Variants in HCN1 observed in about 807,000 individuals in gnomAD.
HCN1 encodes the protein hyperpolarization activated cyclic nucleotide gated potassium channel 1.
HCN1 carries 13 observed loss-of-function variants against 78.9 expected under a neutral mutation model. The ratio of observed to expected loss-of-function variants is 0.16; its 90% CI spans 0.11 to 0.26. The LOEUF (loss-of-function observed/expected upper bound fraction) is 0.26. HCN1 is among the 10% of genes least tolerant of loss of function. HCN1 has a pLI of 1.00. For synonymous variants in HCN1, 552 were observed against 455.5 expected, an observed-to-expected ratio of 1.21 and a Z score of -2.70; for missense variants, 810 against 1,154.3, an observed-to-expected ratio of 0.70 and a Z score of 4.32.
chr5:45,385,507 C>T (rs868037886), intron 4 of HCN1, among the ~76,000 whole-genome samples: 2 of 151,980 alleles, frequency 1.3e-5, no homozygotes, highest in African/African-American at 4.8e-5. Flanking sequence ...GAAATAAAGG[C>T]AATTAAGGCT....
chr5:45,450,122 C>T (rs1245388993), intron 3 of HCN1, among the ~76,000 whole-genome samples: 6 of 152,182 alleles, frequency 3.9e-5, no homozygotes, highest in Admixed American at 1.3e-4. Flanking sequence ...TGAGCCACCG[C>T]GCCCAGCCGA....
intron 2 of HCN1, among the ~76,000 whole-genome samples, chr5:45,511,617 A>G (rs1052513778): frequency 1.3e-5 from 2 of 152,082 alleles, no homozygotes; most frequent in Admixed American, 1.3e-4. Context: ...ACCTAATTTA[A>G]TGACATTTTA....
At chr5:45,429,745 C>T (rs1306556518) in intron 3 of HCN1, among the ~76,000 whole-genome samples, 2 of 152,074 alleles carry the variant, frequency 1.3e-5, no homozygotes, top group Non-Finnish European at 2.9e-5. Context: ...GCAGATAGGT[C>T]ATCGAAGGAG....
At chr5:45,638,512 G>A (rs576315084) in intron 2 of HCN1, among the ~76,000 whole-genome samples, 1 of 152,300 alleles carries the variant, frequency 6.6e-6, no homozygotes, top group Non-Finnish European at 1.5e-5. Flanking sequence ...AGATGATACA[G>A]ATCTGCCACG....
intron 2 of HCN1, among the ~76,000 whole-genome samples, chr5:45,634,323 C>T (rs1402387932): frequency 2.0e-5 from 3 of 151,948 alleles, no homozygotes; most frequent in Non-Finnish European, 2.9e-5. Context: ...AAGTATATTT[C>T]ATATCTTCTA....
At chr5:45,520,146 T>G (rs1742588072) in intron 2 of HCN1, among the ~76,000 whole-genome samples, 1 of 152,026 alleles carries the variant, frequency 6.6e-6, no homozygotes, top group Admixed American at 6.6e-5. Flanking sequence ...TCACAGTACC[T>G]CATCTATATT....
chr5:45,602,254 T>C (rs1301997929), intron 2 of HCN1, among the ~76,000 whole-genome samples: 1 of 152,132 alleles, frequency 6.6e-6, no homozygotes, highest in African/African-American at 2.4e-5. Flanking sequence ...TATGTGGAGA[T>C]AAGGTCTTTG....
rs551056912 is a variant in HCN1 at position 45,658,105 on chromosome 5, T to A, written c.426-12497A>T. On this transcript the variant is annotated intron_variant, in intron 1 of 7. Coordinates refer to ENST00000303230, the MANE Select transcript of HCN1 (RefSeq NM_021072.4). ...GCCGCATATCTACAACTATCTGATC[T>A]TTGACAAACCTGAGAAAAACAAGCA... Among the ~76,000 whole-genome samples, 960 of 152,284 alleles carry A rather than the reference T, an allele frequency of 6.3e-3. 6 individuals are homozygous for A. Among genetic ancestry groups the A allele is most frequent in the Non-Finnish European group, 7.6e-3 (516 of 68,014 alleles).
chr5:45,352,395 G>A (rs1746926315), intron 5 of HCN1, among the ~76,000 whole-genome samples: 2 of 151,204 alleles, frequency 1.3e-5, no homozygotes, highest in African/African-American at 2.4e-5. Flanking sequence ...GGAGGGGGAG[G>A]GATAGCATTA....
intron 4 of HCN1, among the ~76,000 whole-genome samples, chr5:45,362,500 T>C (rs1051468343): frequency 1.3e-5 from 2 of 152,118 alleles, no homozygotes; most frequent in Non-Finnish European, 2.9e-5. Flanking sequence ...GAAGTGTTTC[T>C]AATTCCATTT....
intron 3 of HCN1, among the ~76,000 whole-genome samples, chr5:45,446,867 T>C (rs968401207): frequency 4.0e-5 from 6 of 151,850 alleles, no homozygotes; most frequent in African/African-American, 1.5e-4. Flanking sequence ...AGGCCTGCCC[T>C]AAAAGAGCTC....
At chr5:45,446,651 C>T (rs980872499) in intron 3 of HCN1, among the ~76,000 whole-genome samples, 9 of 152,172 alleles carry the variant, frequency 5.9e-5, no homozygotes, top group African/African-American at 1.7e-4. Context: ...GGTCCGGTTA[C>T]CCTCAAAGGG....
chr5:45,272,546 A>C (rs1744979835), intron 6 of HCN1, among the ~76,000 whole-genome samples: 1 of 152,066 alleles, frequency 6.6e-6, no homozygotes, highest in Non-Finnish European at 1.5e-5. Flanking sequence ...AAAAATGCTT[A>C]TGCATACCCC....
intron 2 of HCN1, among the ~76,000 whole-genome samples, chr5:45,545,126 T>G (rs1321985996): frequency 6.6e-6 from 1 of 152,172 alleles, no homozygotes; most frequent in Non-Finnish European, 1.5e-5. Context: ...TCCTGACTTT[T>G]TAATGATCGC....
chr5:45,394,135 T>C (rs896503782), intron 4 of HCN1, among the ~76,000 whole-genome samples: 15 of 152,104 alleles, frequency 9.9e-5, no homozygotes, highest in African/African-American at 3.6e-4. Context: ...GCTCATGTGG[T>C]TGGGAGACAT....
intron 5 of HCN1, among the ~76,000 whole-genome samples, chr5:45,345,449 T>C (rs954188889): frequency 6.6e-6 from 1 of 152,220 alleles, no homozygotes; most frequent in African/African-American, 2.4e-5. Context: ...TTCTACTACA[T>C]GGTCACGCTG....
At chr5:45,638,343 GA>G (rs1257042448) in intron 2 of HCN1, among the ~76,000 whole-genome samples, 2 of 152,066 alleles carry the variant, frequency 1.3e-5, no homozygotes. Context: ...TATAGCCATG[GA>G]ATTATAGAAA....
At chr5:45,371,930 T>G (rs1443994986) in intron 4 of HCN1, among the ~76,000 whole-genome samples, 1 of 103,656 alleles carries the variant, frequency 9.6e-6, no homozygotes, top group African/African-American at 3.7e-5. Context: ...ATATACATTA[T>G]ATTATATATA....
chr5:45,349,705 C>T (rs1746843527), intron 5 of HCN1, among the ~76,000 whole-genome samples: 1 of 151,754 alleles, frequency 6.6e-6, no homozygotes, highest in South Asian at 2.1e-4. Flanking sequence ...ACCACCGATC[C>T]CACAGAAATA....
Sources: allele counts gnomAD v4.1 joint callset (sites outside exome capture counted in the v4.1 genomes callset), GRCh38; gene constraint gnomAD v4.1.1; transcripts MANE v1.5; gene names NCBI Gene and HGNC (gene_info 2026-07-23, HGNC 2026-07-21).